NAV3: variants seen among roughly 807,000 people sequenced by gnomAD.
NAV3 encodes the protein pore membrane and/or filament interacting like protein 1.
In NAV3, 87 loss-of-function variants were observed where a neutral mutation model predicts 244.7. The ratio of observed to expected loss-of-function variants is 0.36; its 90% CI spans 0.30 to 0.42. NAV3 has a LOEUF of 0.42. NAV3 is among the 20% of genes least tolerant of loss of function. The pLI, the probability that NAV3 is intolerant of heterozygous loss-of-function variation, is 1.00. For synonymous variants in NAV3, 1,126 were observed against 1,042.2 expected (o/e 1.08, Z -1.55); for missense variants, 2,663 against 2,893.3 (o/e 0.92, Z 1.83).
At chr12:77,847,054 A>G (rs74421575) in intron 1 of NAV3, among the ~76,000 whole-genome samples, 5,387 of 152,076 alleles carry the variant, frequency 0.035, 299 homozygotes, top group African/African-American at 0.12. Flanking sequence ...TGTTTTTTCT[A>G]TACCTTCAGA....
chr12:77,758,332 C>T (rs1869290333), intron 2 of NAV3, among the ~76,000 whole-genome samples: 2 of 151,916 alleles, frequency 1.3e-5, no homozygotes, highest in African/African-American at 4.8e-5. Flanking sequence ...GAAAAAAAAA[C>T]AGAGACTATT....
chr12:78,096,811 G>C (rs930952177), intron 12 of NAV3, among the ~76,000 whole-genome samples: 1 of 152,070 alleles, frequency 6.6e-6, no homozygotes, highest in Admixed American at 6.6e-5. Context: ...TTTGTTACTG[G>C]GTACCATATC....
chr12:78,042,095 C>A (rs1310631857), intron 9 of NAV3, among the ~76,000 whole-genome samples: 1 of 152,018 alleles, frequency 6.6e-6, no homozygotes, highest in East Asian at 1.9e-4. Flanking sequence ...TGAAAGTGCC[C>A]ATCATTAGAC....
chr12:77,598,424 G>C (rs1565730728), intron 2 of NAV3, among the ~76,000 whole-genome samples: 1 of 151,876 alleles, frequency 6.6e-6, no homozygotes, highest in Non-Finnish European at 1.5e-5. Flanking sequence ...TTCTATATAT[G>C]CTTAATTTTT....
At chr12:77,965,474 C>T (rs371386215) in intron 3 of NAV3, among the ~76,000 whole-genome samples, 23 of 152,008 alleles carry the variant, frequency 1.5e-4, no homozygotes, top group East Asian at 9.7e-4. Context: ...AAAAAATTAG[C>T]GGGGCGTGGT....
chr12:77,977,128 C>T (rs1403082179), intron 5 of NAV3, among the ~76,000 whole-genome samples: 1 of 152,128 alleles, frequency 6.6e-6, no homozygotes, highest in East Asian at 1.9e-4. Flanking sequence ...AGAATGTCAA[C>T]TACATGAAAT....
chr12:77,847,086 C>T (rs1876761092), intron 1 of NAV3, among the ~76,000 whole-genome samples: 1 of 152,090 alleles, frequency 6.6e-6, no homozygotes, highest in Admixed American at 6.6e-5. Flanking sequence ...GATATCAAGA[C>T]TTTCTTTTCA....
chr12:77,891,328 T>C (rs1883914450), intron 1 of NAV3, among the ~76,000 whole-genome samples: 1 of 149,618 alleles, frequency 6.7e-6, no homozygotes, highest in South Asian at 2.1e-4. Flanking sequence ...AAAGATAATA[T>C]AATTTAATAT....
chr12:78,053,493 A>G (rs1883063442), intron 11 of NAV3, among the ~76,000 whole-genome samples: 1 of 152,088 alleles, frequency 6.6e-6, no homozygotes, highest in South Asian at 2.1e-4. Context: ...TTTAATACAT[A>G]CTATTGATTC....
At chr12:78,191,828 C>T (rs906313764) in intron 34 of NAV3, among the ~76,000 whole-genome samples, 1 of 152,212 alleles carries the variant, frequency 6.6e-6, no homozygotes, top group East Asian at 1.9e-4. Flanking sequence ...TCTTAGTCAT[C>T]CTCAATGTTT....
chr12:77,844,351 C>T (rs554753620), intron 1 of NAV3, among the ~76,000 whole-genome samples: 23 of 152,274 alleles, frequency 1.5e-4, no homozygotes, highest in Non-Finnish European at 2.6e-4. Flanking sequence ...AGGGCTCCAT[C>T]CTCATGACTT....
chr12:77,945,370 G>T (rs1890241036), intron 3 of NAV3, among the ~76,000 whole-genome samples: 1 of 152,100 alleles, frequency 6.6e-6, no homozygotes, highest in Non-Finnish European at 1.5e-5. Flanking sequence ...AGGTTATGAT[G>T]GGGTGAAGAT....
intron 3 of NAV3, chr12:77,950,505 C>T (rs1357944946): frequency 6.6e-6 from 1 of 151,810 alleles, no homozygotes; most frequent in African/African-American, 2.4e-5. Context: ...TTTTAAAAAC[C>T]AGATTCAATG....
chr12:78,209,353 G>C (rs990215859), intron 39 of NAV3, among the ~76,000 whole-genome samples: 1 of 103,238 alleles, frequency 9.7e-6, no homozygotes, highest in African/African-American at 3.5e-5. Context: ...TCTGTAAGTT[G>C]GAAAAAAAAA....
intron 12 of NAV3, among the ~76,000 whole-genome samples, chr12:78,084,314 C>A (rs777605694): frequency 2.0e-5 from 3 of 152,254 alleles, no homozygotes; most frequent in Non-Finnish European, 2.9e-5. Flanking sequence ...TTTATATCAG[C>A]CTTACCTCCT....
At chr12:78,106,046 C>A (rs1026987067) in intron 12 of NAV3, among the ~76,000 whole-genome samples, 1 of 151,472 alleles carries the variant, frequency 6.6e-6, no homozygotes, top group Non-Finnish European at 1.5e-5. Flanking sequence ...GAAAAAATAT[C>A]TGTTAGCTAT....
chr12:77,942,405 C>A (rs1319686248), intron 3 of NAV3, among the ~76,000 whole-genome samples: 3 of 151,228 alleles, frequency 2.0e-5, no homozygotes, highest in Non-Finnish European at 1.5e-5. Context: ...ATAATAAAAT[C>A]AAATAATAAA....
rs1959261512 is a variant in NAV3, at chr12:78,198,729, G to C, written c.6518+53G>C. ...TTTGTTTTTTTGTTTTGTGTTGGGG[G>C]GGGCAGGGGAGGGGGTTGGCATTGT... is the stretch of plus-strand genomic sequence containing the variant. On this transcript the variant is annotated intron_variant, in intron 36 of 39. Transcript: ENST00000397909. 8 of 984,490 alleles carry C rather than the reference G, an allele frequency of 8.1e-6. 1 individual carries two copies. The East Asian group carries it at 2.2e-4, about 28-fold the overall frequency. The allele number at this position is 984,490 out of a possible 1,614,324, so 61.0% of individuals were successfully genotyped here.
chr12:77,856,533 A>C (rs1878424011), intron 1 of NAV3, among the ~76,000 whole-genome samples: 1 of 152,170 alleles, frequency 6.6e-6, no homozygotes, highest in Admixed American at 6.5e-5. Context: ...TTGAATTTAA[A>C]ATCTTACCTC....
Sources: allele counts gnomAD v4.1 joint callset (sites outside exome capture counted in the v4.1 genomes callset), GRCh38; gene constraint gnomAD v4.1.1; transcripts MANE v1.5; gene names NCBI Gene and HGNC (gene_info 2026-07-23, HGNC 2026-07-21).